AZGP1: variants seen among roughly 807,000 people sequenced by gnomAD.
The protein encoded by AZGP1 is zinc-alpha-2-glycoprotein.
AZGP1 carries 28 observed loss-of-function variants against 31.5 expected under a neutral mutation model. The observed-to-expected ratio is 0.89, with a 90% CI of 0.66 to 1.22. The LOEUF (loss-of-function observed/expected upper bound fraction) is 1.22. Among genes scored for constraint, AZGP1 ranks in the 50% most tolerant of loss-of-function variants. The pLI, the probability that AZGP1 is intolerant of heterozygous loss-of-function variation, is 0.00. For synonymous variants in AZGP1, 135 were observed against 145.4 expected (o/e 0.93, Z 0.51); for missense variants, 361 against 371.8 (o/e 0.97, Z 0.24).
chr7:99,971,979 G>C lies in AZGP1; in HGVS notation c.104C>G (p.Thr35Ser). The change falls in exon 2 of 4, where the codon ACT (threonine) becomes AGT (serine). Residue 35 changes from threonine to serine, a missense_variant. Coordinates refer to ENST00000292401, the MANE Select transcript of AZGP1 (RefSeq NM_001185.4). ...GTCTTCAACATGCTTGGACAGCCCA[G>C]TGTAGATATAGGTCAGAGAGTAACG... is the stretch of plus-strand genomic sequence containing the variant. ...DGRYSLTYIY[T>S]GLSKHVEDVP... 6.2e-7 allele frequency: 1 copy of C among 1,613,706 alleles called. No homozygotes were observed. The highest frequency in any genetic ancestry group is 8.5e-7 in the Non-Finnish European group (1 of 1,179,796).
chr7:99,966,892 C>A lies in AZGP1; in HGVS notation c.*111G>T. On this transcript the variant is annotated 3_prime_UTR_variant, in exon 4 of 4. Coordinates refer to ENST00000292401, the MANE Select transcript of AZGP1 (RefSeq NM_001185.4). ...CTCCTGTCTGTCCCCCCACACTGCT[C>A]CTCAGGCCTTGTGGATCCATTGACT... 6.9e-7 allele frequency: 1 copy of A among 1,446,534 alleles called. No individual in the cohort carries two copies. Among genetic ancestry groups the A allele is most frequent in the Non-Finnish European group, 9.4e-7 (1 of 1,065,458 alleles). 89.6% of individuals were successfully genotyped at this position (1,446,534 alleles called of 1,614,324 possible). A position where few individuals can be genotyped will look rare whatever the true frequency, so the allele number is the denominator to read the frequency against.
At chr7:99,967,475 A>C in intron 3 of AZGP1, 189 bp from the exon 4 acceptor site, 1 of 634,152 alleles carries the variant, frequency 1.6e-6, no homozygotes, top group Non-Finnish European at 2.7e-6. Flanking sequence ...CCCAATCCCC[A>C]CCTCACCCAT....
intron 2 of AZGP1, chr7:99,971,460 T>G: frequency 2.7e-6 from 1 of 363,766 alleles, no homozygotes. Flanking sequence ...CTCCGATGGG[T>G]GGGGTGTGGA....
chr7:99,969,220 C>G (rs902140102), intron 2 of AZGP1, among the ~76,000 whole-genome samples: 5 of 151,494 alleles, frequency 3.3e-5, no homozygotes, highest in African/African-American at 1.2e-4. Flanking sequence ...ACCAGCCTGG[C>G]CAACATGGTA....
chr7:99,972,801 G>T lies in AZGP1; in HGVS notation c.77-795C>A, dbSNP rs187752284. 1.9e-3 allele frequency among the ~76,000 whole-genome samples: 293 copies of T among 150,406 alleles called. 1 individual carries two copies. Among genetic ancestry groups the T allele is most frequent in the African/African-American group, 6.9e-3 (281 of 40,798 alleles). On this transcript the variant is annotated intron_variant, in intron 1 of 3. Transcript: ENST00000292401. ...TGCACTCCAGCTTGGATGACAGAGT[G>T]AGACTCCGTCTCAAAAAAAACAAAT... is the stretch of plus-strand genomic sequence containing the variant.
At chr7:99,975,744 A>C (rs1237302266) in intron 1 of AZGP1, among the ~76,000 whole-genome samples, 1 of 152,120 alleles carries the variant, frequency 6.6e-6, no homozygotes, top group Non-Finnish European at 1.5e-5. Flanking sequence ...AGATTCCTGA[A>C]GGTCTTATTT....
chr7:99,972,003 C>G lies in AZGP1; in HGVS notation c.80G>C (p.Arg27Pro). Residue 27 changes from arginine (R) to proline (P), a missense_variant, in exon 2 of 4, where the codon CGT becomes CCT. Transcript: ENST00000292401. ...AGTGTAGATATAGGTCAGAGAGTAA[C>G]GACCTGCAAAAGAAAAGATTCTGAT... is the stretch of plus-strand genomic sequence containing the variant. ...PAVPQENQDGRYSLTYIYTGL... is the reference protein window; with the variant it reads ...PAVPQENQDGPYSLTYIYTGL... 6.2e-7 allele frequency: 1 copy of G among 1,601,260 alleles called. No homozygotes were observed. The highest frequency in any genetic ancestry group is 8.5e-7 in the Non-Finnish European group (1 of 1,172,648).
intron 1 of AZGP1, among the ~76,000 whole-genome samples, chr7:99,974,298 A>G (rs1789624554): frequency 6.6e-6 from 1 of 151,990 alleles, no homozygotes; most frequent in Admixed American, 6.6e-5. Context: ...TTAAATAACC[A>G]AAAGAGAGGC....
chr7:99,970,067 G>A (rs1789554206), intron 2 of AZGP1, among the ~76,000 whole-genome samples: 1 of 151,708 alleles, frequency 6.6e-6, no homozygotes, highest in South Asian at 2.1e-4. Context: ...CCCACCTGGT[G>A]TGTTGCCTGA....
intron 2 of AZGP1, among the ~76,000 whole-genome samples, chr7:99,969,757 C>T (rs79039815): frequency 6.6e-6 from 1 of 152,220 alleles, no homozygotes; most frequent in African/African-American, 2.4e-5. Flanking sequence ...TAAAGGAAGG[C>T]TCTCTTTTTC....
chr7:99,974,249 CAAAAAT>C (rs1295639825), intron 1 of AZGP1, among the ~76,000 whole-genome samples: 4 of 151,886 alleles, frequency 2.6e-5, no homozygotes, highest in African/African-American at 9.7e-5. Flanking sequence ...GAATCCATCT[CAAAAAT>C]AATAATAATA....
intron 1 of AZGP1, among the ~76,000 whole-genome samples, chr7:99,972,299 T>C (rs1789592619): frequency 6.6e-6 from 1 of 152,220 alleles, no homozygotes; most frequent in Non-Finnish European, 1.5e-5. Flanking sequence ...TGACTGAGTT[T>C]TGTCAAAAGA....
intron 2 of AZGP1, among the ~76,000 whole-genome samples, chr7:99,968,962 C>CAAAAAAAA (rs869115613): frequency 0.22 from 5,974 of 26,702 alleles, 2,473 homozygotes; most frequent in Non-Finnish European, 0.26. Flanking sequence ...GACCCTATCT[C>CAAAAAAAA]AAAAAAAAAA....
chr7:99,967,438 C>T, intron 3 of AZGP1, 152 bp from the exon 4 acceptor site: 1 of 855,690 alleles, frequency 1.2e-6, no homozygotes, highest in Non-Finnish European at 1.8e-6. Context: ...TCCAGAATAT[C>T]AGGGAAGGCT....
chr7:99,967,099 C>T lies in AZGP1; in HGVS notation c.801G>A (p.Val267=), dbSNP rs1330965986. Residue 267 remains valine, a synonymous_variant, in exon 4 of 4, where the codon GTG becomes GTA. Coordinates refer to ENST00000292401, the MANE Select transcript of AZGP1 (RefSeq NM_001185.4). ...NGNGTYQSWV[V]VAVPPQDTAP... is the part of the protein sequence containing the mutation. ...CTGTGTCCTGCGGGGGCACTGCCAC[C>T]ACCACCCAGGACTGGTAAGTGCCAT... The T allele has an allele frequency of 2.5e-6, 4 of 1,614,164 alleles. No individual in the cohort carries two copies. The highest frequency in any genetic ancestry group is 3.4e-6 in the Non-Finnish European group (4 of 1,180,038).
chr7:99,971,997 G>A lies in AZGP1; in HGVS notation c.86C>T (p.Ser29Phe), dbSNP rs1789586655. Residue 29 changes from serine (S) to phenylalanine (F), a missense_variant, in exon 2 of 4, where the codon TCT becomes TTT. Physicochemically the swap from Ser to Phe is radical, Grantham distance 155 (BLOSUM62 -2). Coordinates refer to ENST00000292401, the MANE Select transcript of AZGP1 (RefSeq NM_001185.4). ...CAGCCCAGTGTAGATATAGGTCAGAGAGTAACGACCTGCAAAAGAAAAGAT... is the reference window on the plus strand; with the variant it reads ...CAGCCCAGTGTAGATATAGGTCAGAAAGTAACGACCTGCAAAAGAAAAGAT... ...VPQENQDGRY[S>F]LTYIYTGLSK... 1 of 1,607,952 alleles carries A rather than the reference G, an allele frequency of 6.2e-7. No homozygotes were observed. Among genetic ancestry groups the A allele is most frequent in the Admixed American group, 1.7e-5 (1 of 59,312 alleles).
At chr7:99,971,675 C>G in intron 2 of AZGP1, 71 bp downstream of exon 2, 2 of 1,530,056 alleles carry the variant, frequency 1.3e-6, no homozygotes, top group Non-Finnish European at 1.8e-6. Context: ...CTGCTGATCC[C>G]TTGCCACTCA....
At chr7:99,970,454 G>A (rs987891121) in intron 2 of AZGP1, among the ~76,000 whole-genome samples, 3 of 152,094 alleles carry the variant, frequency 2.0e-5, no homozygotes, top group Admixed American at 6.5e-5. Flanking sequence ...TGTTGGCCGG[G>A]CTGGTCTCGA....
intron 1 of AZGP1, 100 bp downstream of exon 1, chr7:99,975,845 G>A: frequency 7.5e-7 from 1 of 1,328,094 alleles, no homozygotes; most frequent in African/African-American, 1.4e-5. Flanking sequence ...CCGTATGCCA[G>A]GGTATCCCAG....
Sources: gnomAD v4.1 joint callset for allele counts (sites outside exome capture counted in the v4.1 genomes callset) on GRCh38, gnomAD v4.1.1 for gene constraint, MANE v1.5 for transcripts, NCBI Gene and HGNC (gene_info 2026-07-23, HGNC 2026-07-21) for gene names.